The following ZNF730 variants were observed in gnomAD, a reference collection of about 807,000 sequenced individuals.
The protein encoded by ZNF730 is zinc finger protein 730, also known as putative zinc finger protein 730.
A neutral mutation model predicts 12.6 loss-of-function variants in ZNF730; 12 were observed. The observed-to-expected ratio is 0.95, with a 90% CI of 0.61 to 1.54. ZNF730 has a LOEUF of 1.54. Ranked by LOEUF, ZNF730 falls within the 40% of genes most tolerant of loss-of-function variation. The probability of loss-of-function intolerance (pLI) is 0.00; values close to 1 mark genes in which losing one functional copy is unlikely to be tolerated. For synonymous variants in ZNF730, 194 were observed against 195.8 expected, an observed-to-expected ratio of 0.99 and a Z score of 0.08; for missense variants, 643 against 583.5, an observed-to-expected ratio of 1.10 and a Z score of -1.05.
intron 1 of ZNF730, among the ~76,000 whole-genome samples, chr19:23,118,118 A>G (rs535106624): frequency 2.0e-5 from 3 of 152,256 alleles, no homozygotes; most frequent in African/African-American, 7.2e-5. Context: ...TTCCCTCTCT[A>G]ATTCACATTA....
At chr19:23,142,177 G>C (rs1346658976) in intron 3 of ZNF730, among the ~76,000 whole-genome samples, 1 of 152,046 alleles carries the variant, frequency 6.6e-6, no homozygotes, top group Admixed American at 6.5e-5. Context: ...TTGACTTCAA[G>C]TACATTTTAT....
chr19:23,121,721 A>G (rs566461152), intron 1 of ZNF730, among the ~76,000 whole-genome samples: 3 of 152,180 alleles, frequency 2.0e-5, no homozygotes, highest in Non-Finnish European at 2.9e-5. Context: ...CATTCTTTCA[A>G]GTGCATACCG....
upstream of ZNF730, among the ~76,000 whole-genome samples, chr19:23,112,140 T>C (rs763917139): frequency 1.1e-4 from 17 of 152,132 alleles, no homozygotes; most frequent in Non-Finnish European, 2.2e-4. Flanking sequence ...ATCTCACAAC[T>C]TAGAAGGGCC....
rs547606113 is a variant in ZNF730, at chr19:23,132,519, C to G, written c.4-1561C>G. ...TCTTTCCTATGTACCAGAGCCTTCTCTACATTCTCTACATCATGGCTTCTT... is the reference window on the plus strand; with the variant it reads ...TCTTTCCTATGTACCAGAGCCTTCTGTACATTCTCTACATCATGGCTTCTT... On this transcript the variant is annotated intron_variant, in intron 1 of 3. Transcript: ENST00000597761. Among the ~76,000 whole-genome samples the G allele has an allele frequency of 3.9e-5, 6 of 152,298 alleles. No homozygotes were observed. In the South Asian group the frequency reaches 1.0e-3, roughly 26 times the overall value.
chr19:23,085,876 C>T (rs975302975), intron 1 of ZNF730, among the ~76,000 whole-genome samples: 47 of 68,708 alleles, frequency 6.8e-4, no homozygotes, highest in East Asian at 6.4e-3. Flanking sequence ...GATGGAGTCT[C>T]GCTCTGTCAC....
chr19:23,128,098 T>G (rs1970693177), intron 1 of ZNF730: 8 of 844,360 alleles, frequency 9.5e-6, no homozygotes, highest in Non-Finnish European at 1.6e-5. Flanking sequence ...TGCCTTCACC[T>G]GCTATTTGGA....
upstream of ZNF730, among the ~76,000 whole-genome samples, chr19:23,112,836 A>G (rs573909404): frequency 6.6e-6 from 1 of 152,284 alleles, no homozygotes; most frequent in East Asian, 1.9e-4. Flanking sequence ...CTCTTAACCT[A>G]TTTCACAAGT....
intron 1 of ZNF730, chr19:23,126,665 T>G: frequency 2.0e-6 from 1 of 493,944 alleles, no homozygotes; most frequent in Non-Finnish European, 4.0e-6. Flanking sequence ...CCACTAGTTT[T>G]TTTTTTTTTC....
At chr19:23,089,930 T>A (rs1413975502) in intron 1 of ZNF730, among the ~76,000 whole-genome samples, 1 of 152,170 alleles carries the variant, frequency 6.6e-6, no homozygotes, top group Non-Finnish European at 1.5e-5. Context: ...AAAAAAATGC[T>A]GATAGTGATA....
intron 1 of ZNF730, among the ~76,000 whole-genome samples, chr19:23,104,137 C>A (rs1274262269): frequency 6.6e-6 from 1 of 151,980 alleles, no homozygotes; most frequent in Non-Finnish European, 1.5e-5. Context: ...GAAACCCAGA[C>A]TCTACTAAAA....
chr19:23,118,371 T>TG (rs1199863110), intron 1 of ZNF730, among the ~76,000 whole-genome samples: 1 of 151,198 alleles, frequency 6.6e-6, no homozygotes, highest in Non-Finnish European at 1.5e-5. Context: ...TTTTTGTTTT[T>TG]TTTTTTTGTT....
chr19:23,146,775 C>G lies in ZNF730; in HGVS notation c.*219C>G, dbSNP rs1971022157. On this transcript the variant is annotated 3_prime_UTR_variant, in exon 4 of 4. Coordinates refer to ENST00000597761, the MANE Select transcript of ZNF730 (RefSeq NM_001277403.2). Reference sequence around the variant, plus strand: ...CAACCAATCTTCACACCTTACTACACATAAGATAATTCATACTGGAGAGAA... The same window carrying G: ...CAACCAATCTTCACACCTTACTACAGATAAGATAATTCATACTGGAGAGAA... 2 of 1,044,136 alleles carry G rather than the reference C, an allele frequency of 1.9e-6. No homozygotes were observed. Among genetic ancestry groups the G allele is most frequent in the Non-Finnish European group, 1.5e-6 (1 of 663,834 alleles). The allele number at this position is 1,044,136 out of a possible 1,614,324, so 64.7% of individuals were successfully genotyped here. A position where few individuals can be genotyped will look rare whatever the true frequency, so the allele number is the denominator to read the frequency against.
intron 1 of ZNF730, among the ~76,000 whole-genome samples, chr19:23,079,048 T>C (rs1969917771): frequency 6.6e-6 from 1 of 151,784 alleles, no homozygotes; most frequent in Non-Finnish European, 1.5e-5. Flanking sequence ...TCAGGTGATC[T>C]GCCCTCCTCA....
chr19:23,102,715 C>T (rs1170997578), intron 1 of ZNF730, among the ~76,000 whole-genome samples: 4 of 151,964 alleles, frequency 2.6e-5, no homozygotes, highest in Admixed American at 6.6e-5. Context: ...AGGCTGGTCT[C>T]GAGCTCCGTA....
upstream of ZNF730, among the ~76,000 whole-genome samples, chr19:23,113,521 G>A (rs1203568319): frequency 6.6e-6 from 1 of 152,106 alleles, no homozygotes; most frequent in African/African-American, 2.4e-5. Context: ...CTGAGTTTTG[G>A]TTACACTGTG....
rs1225931430 is a variant in ZNF730, at chr19:23,146,606, C to T, written c.*50C>T. On this transcript the variant is annotated 3_prime_UTR_variant, in exon 4 of 4. Transcript: ENST00000597761. ...TTTAAACAATCTTTATACCTTACTA[C>T]ACATAAGATAATTCATACTGAAGAG... 2 of 1,583,068 alleles carry T rather than the reference C, an allele frequency of 1.3e-6. No homozygotes were observed. The highest frequency in any genetic ancestry group is 2.2e-5 in the South Asian group (2 of 90,148).
intron 1 of ZNF730, chr19:23,100,444 T>C (rs925031902): frequency 2.0e-5 from 3 of 152,140 alleles, no homozygotes; most frequent in African/African-American, 4.8e-5. Flanking sequence ...TTACAGAGAA[T>C]GTCATAACAG....
At chr19:23,127,289 T>C (rs369925547) in intron 1 of ZNF730, 45 of 671,806 alleles carry the variant, frequency 6.7e-5, no homozygotes, top group African/African-American at 4.3e-4. Flanking sequence ...ATCTTGATTA[T>C]ATTCCAAGAA....
At chr19:23,128,637 A>G (rs903732058) in intron 1 of ZNF730, 1 of 164,284 alleles carries the variant, frequency 6.1e-6, no homozygotes, top group African/African-American at 2.4e-5. Context: ...GCAGCAAAGC[A>G]TTCAAGAGAT....
Sources: gnomAD v4.1 joint callset for allele counts (sites outside exome capture counted in the v4.1 genomes callset) on GRCh38, gnomAD v4.1.1 for gene constraint, MANE v1.5 for transcripts, NCBI Gene and HGNC (gene_info 2026-07-23, HGNC 2026-07-21) for gene names.